The following SEC16A variants were observed in gnomAD, a reference collection of about 807,000 sequenced individuals.
SEC16A encodes the protein SEC16 homolog A, endoplasmic reticulum export factor, also known as protein transport protein Sec16A.
Under a neutral mutation model 221.9 loss-of-function variants are expected in SEC16A, and 110 were observed. The ratio of observed to expected loss-of-function variants is 0.50; its 90% CI spans 0.42 to 0.58. The LOEUF is 0.58. Ranked by LOEUF, SEC16A falls within the 20% of genes least tolerant of loss-of-function variation. The probability of loss-of-function intolerance (pLI) is 0.00; values close to 1 mark genes in which losing one functional copy is unlikely to be tolerated. For synonymous variants in SEC16A, 1,393 were observed against 1,257.7 expected (o/e 1.11, Z -2.28); for missense variants, 3,165 against 3,097.8 (o/e 1.02, Z -0.52).
At chr9:136,479,074 G>C (rs1842005487) in intron 1 of SEC16A, among the ~76,000 whole-genome samples, 1 of 151,738 alleles carries the variant, frequency 6.6e-6, no homozygotes, top group African/African-American at 2.4e-5. Context: ...GCACAGACTG[G>C]ATTCCAACAC....
rs374280849 is a variant in SEC16A at position 136,474,275 on chromosome 9, G to C, written c.3341C>G (p.Pro1114Arg). The part of the protein sequence containing the change: ...VLVDAGQQLP[P>R]RPPQSSSVSL... ...CACGCTAGAGGACTGAGGAGGCCGA[G>C]GGGGCAGCTGCTGACCCGCGTCGAC... Residue 1114 changes from proline to arginine, a missense_variant, in exon 3 of 32, where the codon CCT becomes CGT. Physicochemically the swap from Pro to Arg is moderately radical, Grantham distance 103 (BLOSUM62 -2). Around this residue, in one of 3 missense-constraint regions of SEC16A, gnomAD observed 2,030 missense variants for 1,923.1 expected, o/e 1.06. Transcript: ENST00000684901. 2 of 1,607,828 alleles carry C rather than the reference G, an allele frequency of 1.2e-6. No homozygotes were observed. The highest frequency in any genetic ancestry group is 1.1e-5 in the South Asian group (1 of 90,458).
chr9:136,471,435 T>C (rs542884922), intron 4 of SEC16A, among the ~76,000 whole-genome samples: 15 of 152,132 alleles, frequency 9.9e-5, no homozygotes, highest in Non-Finnish European at 2.1e-4. Flanking sequence ...GATGGCACCA[T>C]TGCACTCCAG....
In SEC16A at chr9:136,474,290, C is replaced by T; in HGVS notation, c.3326G>A (p.Gly1109Asp). 2 of 1,608,268 alleles carry T rather than the reference C, an allele frequency of 1.2e-6. No individual in the cohort carries two copies. The highest frequency in any genetic ancestry group is 1.7e-6 in the Non-Finnish European group (2 of 1,177,636). The change falls in exon 3 of 32, where the codon GGT becomes GAT. Residue 1109 changes from glycine to aspartate, a missense_variant. This residue lies in a region of SEC16A where 2,030 missense variants were observed against 1,923.1 expected (regional missense o/e 1.06). Coordinates refer to ENST00000684901, the MANE Select transcript of SEC16A (RefSeq NM_014866.2). Reference protein sequence around the residue: ...SPASLVLVDAGQQLPPRPPQS... With the variant: ...SPASLVLVDADQQLPPRPPQS... Reference sequence around the variant, plus strand: ...AGGAGGCCGAGGGGGCAGCTGCTGACCCGCGTCGACCAGAACCAGACTTGC... The same window carrying T: ...AGGAGGCCGAGGGGGCAGCTGCTGATCCGCGTCGACCAGAACCAGACTTGC...
rs1205584902 is a variant in SEC16A at position 136,459,879 on chromosome 9, C to T, written c.5074-5G>A. On this transcript the variant is annotated splice_polypyrimidine_tract_variant and splice_region_variant and intron_variant, in intron 14 of 31. Coordinates refer to ENST00000684901, the MANE Select transcript of SEC16A (RefSeq NM_014866.2). This position sits in a 1 kb window ranked among gnomAD's most constrained non-coding sequence, Gnocchi z 6.1. ...CCATTTCTCGTCTCCACAGCACTAA[C>T]ATGAGGAAAAACAAAACGAAGCCTC... 1 of 1,611,290 alleles carries T rather than the reference C, an allele frequency of 6.2e-7. No homozygotes were observed. Among genetic ancestry groups the T allele is most frequent in the Admixed American group, 1.7e-5 (1 of 59,778 alleles).
chr9:136,443,269 C>G (rs1401211454), intron 31 of SEC16A, among the ~76,000 whole-genome samples: 1 of 151,880 alleles, frequency 6.6e-6, no homozygotes, highest in Non-Finnish European at 1.5e-5. Flanking sequence ...CTGGTGTCCA[C>G]GCAGAGCTGA....
chr9:136,445,206 G>T, intron 29 of SEC16A, 95 bp from the exon 30 acceptor site: 2 of 1,052,900 alleles, frequency 1.9e-6, no homozygotes, highest in Non-Finnish European at 1.4e-6. Flanking sequence ...CAAAAGCTTT[G>T]TGATGCCATT....
rs756415898 is a variant in SEC16A, at chr9:136,474,993, G to T, written c.2623C>A (p.Leu875Ile). The change falls in exon 3 of 32, where the codon CTC (leucine) becomes ATC (isoleucine). Residue 875 changes from leucine (L) to isoleucine (I), a missense_variant. This residue lies in a region of SEC16A where 2,030 missense variants were observed against 1,923.1 expected (regional missense o/e 1.06). Transcript: ENST00000684901. Reference protein sequence around the residue: ...GDRPAVSSWALGGDSGENTSL... With the variant: ...GDRPAVSSWAIGGDSGENTSL... Reference sequence around the variant, plus strand: ...GTGTTCTCCCCAGAATCACCACCGAGAGCCCAACTGCTGACTGCAGGTCTA... The same window carrying T: ...GTGTTCTCCCCAGAATCACCACCGATAGCCCAACTGCTGACTGCAGGTCTA... The T allele has an allele frequency of 6.2e-7, 1 of 1,613,752 alleles. No individual in the cohort carries two copies. Among genetic ancestry groups the T allele is most frequent in the East Asian group, 2.2e-5 (1 of 44,880 alleles).
At chr9:136,463,908 G>A (rs113578863) in intron 9 of SEC16A, among the ~76,000 whole-genome samples, 168 bp from the exon 10 acceptor site, 3,555 of 152,360 alleles carry the variant, frequency 0.023, 179 homozygotes, top group African/African-American at 0.08. Flanking sequence ...ATGGAACATG[G>A]CCTGTGTGGA....
Position 136,474,305 on chromosome 9 carries a change from A to G in SEC16A, c.3311T>C (p.Val1104Ala), listed in dbSNP as rs758672511. Residue 1104 changes from valine (V) to alanine (A), a missense_variant, in exon 3 of 32, where the codon GTT (valine) becomes GCT (alanine). By Grantham distance (64) the Val-to-Ala change is moderately conservative (BLOSUM62 0). Transcript: ENST00000684901. Reference sequence around the variant, plus strand: ...CAGCTGCTGACCCGCGTCGACCAGAACCAGACTTGCTGGTGACTGTGCTGA... The same window carrying G: ...CAGCTGCTGACCCGCGTCGACCAGAGCCAGACTTGCTGGTGACTGTGCTGA... Reference protein sequence around the residue: ...QNSAQSPASLVLVDAGQQLPP... With the variant: ...QNSAQSPASLALVDAGQQLPP... 1.2e-6 allele frequency: 2 copies of G among 1,610,946 alleles called. No homozygotes were observed. The highest frequency in any genetic ancestry group is 8.5e-7 in the Non-Finnish European group (1 of 1,178,910).
intron 1 of SEC16A, among the ~76,000 whole-genome samples, chr9:136,481,873 C>T (rs1842410028): frequency 6.6e-6 from 1 of 152,086 alleles, no homozygotes; most frequent in Non-Finnish European, 1.5e-5. Flanking sequence ...GGCCAGCAGC[C>T]TAACACTGAT....
intron 28 of SEC16A, among the ~76,000 whole-genome samples, chr9:136,446,351 C>T (rs147084090): frequency 0.023 from 3,417 of 151,812 alleles, 167 homozygotes; most frequent in African/African-American, 0.077. Flanking sequence ...TCAGGTGACC[C>T]GCCCAGCTCA....
Position 136,467,021 on chromosome 9 carries a change from G to A in SEC16A, c.3865C>T (p.Arg1289Trp), listed in dbSNP as rs751465419. 18 of 1,613,788 alleles carry A rather than the reference G, an allele frequency of 1.1e-5. No individual in the cohort carries two copies. In the South Asian group the frequency reaches 1.6e-4, roughly 15 times the overall value. The part of the protein sequence containing the change: ...ARVRDPRTYD[R>W]RYWCDAEYDA... ...TACTCTGCATCACACCAATACCTCCGGTCATAGGTGCGGGGGTCCCTGACT... is the reference window on the plus strand; with the variant it reads ...TACTCTGCATCACACCAATACCTCCAGTCATAGGTGCGGGGGTCCCTGACT... The change falls in exon 6 of 32, where the codon CGG becomes TGG. Residue 1289 changes from arginine to tryptophan, a missense_variant. Physicochemically the swap from Arg to Trp is moderately radical, Grantham distance 101 (BLOSUM62 -3). Coordinates refer to ENST00000684901, the MANE Select transcript of SEC16A (RefSeq NM_014866.2).
At chr9:136,448,036 A>C in intron 24 of SEC16A, 48 bp downstream of exon 24, 1 of 1,572,140 alleles carries the variant, frequency 6.4e-7, no homozygotes, top group Non-Finnish European at 8.7e-7. Context: ...GTGACAGAAA[A>C]ATCATTACAA....
chr9:136,461,469 G>A (rs1176140690), intron 12 of SEC16A, among the ~76,000 whole-genome samples, 195 bp from the exon 13 acceptor site: 1 of 152,206 alleles, frequency 6.6e-6, no homozygotes, highest in Admixed American at 6.5e-5. Context: ...AGTCCCTGTG[G>A]TAGTGGGTAT....
chr9:136,483,425 C>T, upstream of SEC16A: 7 of 804,434 alleles, frequency 8.7e-6, no homozygotes, highest in Non-Finnish European at 1.0e-5. Flanking sequence ...CTCATCCTGT[C>T]GTTCCCGCCC....
At position 136,459,298 on chromosome 9, in the gene SEC16A, A is replaced by G. The variant is rs147409370; in HGVS notation, c.5304-59T>C. 104 of 1,527,320 alleles carry G rather than the reference A, an allele frequency of 6.8e-5. No homozygotes were observed. The East Asian group carries it at 2.1e-3, about 31-fold the overall frequency. 94.6% of individuals were successfully genotyped at this position (1,527,320 alleles called of 1,614,324 possible). A position where few individuals can be genotyped will look rare whatever the true frequency, so the allele number is the denominator to read the frequency against. On this transcript the variant is annotated intron_variant, in intron 16 of 31. Transcript: ENST00000684901. This position sits in a 1 kb window ranked among gnomAD's most constrained non-coding sequence, Gnocchi z 6.1. ...AAATGGCCAATTATTGGCATAGTCA[A>G]CCTTGGAGCAAATCATCCAGAAGTG...
Position 136,455,650 on chromosome 9 carries a change from A to G in SEC16A, c.5808T>C (p.Pro1936=), listed in dbSNP as rs1356154285. 1 of 1,590,368 alleles carries G rather than the reference A, an allele frequency of 6.3e-7. No individual in the cohort carries two copies. Among genetic ancestry groups the G allele is most frequent in the Admixed American group, 1.7e-5 (1 of 57,294 alleles). ...LGIANPLLAV[P]APSPEHSSPS... is the part of the protein sequence containing the mutation. Reference sequence around the variant, plus strand: ...GGCTCGAGTGCTCAGGGCTCGGTGCAGGCACCGCCAGCAGAGGGTTGGCGA... The same window carrying G: ...GGCTCGAGTGCTCAGGGCTCGGTGCGGGCACCGCCAGCAGAGGGTTGGCGA... Residue 1936 remains proline (P), a synonymous_variant, in exon 20 of 32, where the codon CCT becomes CCC. Transcript: ENST00000684901.
intron 19 of SEC16A, 119 bp from the exon 20 acceptor site, chr9:136,455,912 T>C (rs958432525): frequency 1.6e-6 from 2 of 1,226,168 alleles, no homozygotes; most frequent in South Asian, 1.5e-5. Context: ...CTCAAAGCCC[T>C]TTCTGGGGAA....
chr9:136,480,199 C>T (rs1279601766), intron 1 of SEC16A, among the ~76,000 whole-genome samples: 1 of 152,170 alleles, frequency 6.6e-6, no homozygotes, highest in Non-Finnish European at 1.5e-5. Context: ...TCCACTGGGT[C>T]CTACCAGCTG....
Sources: gnomAD v4.1 joint callset for allele counts (sites outside exome capture counted in the v4.1 genomes callset) on GRCh38, gnomAD v4.1.1 for gene constraint, gnomAD v4.1.1 regional missense constraint, Gnocchi (gnomAD v3.1) non-coding constraint, MANE v1.5 for transcripts, NCBI Gene and HGNC (gene_info 2026-07-23, HGNC 2026-07-21) for gene names.